Variants in CDKAL1 observed in about 807,000 individuals in gnomAD.
CDKAL1 encodes CDKAL1 threonylcarbamoyladenosine tRNA methylthiotransferase, also known as threonylcarbamoyladenosine tRNA methylthiotransferase.
Under a neutral mutation model 68.2 loss-of-function variants are expected in CDKAL1, and 32 were observed. The ratio of observed to expected loss-of-function variants is 0.47; its 90% CI spans 0.35 to 0.63. CDKAL1 has a LOEUF of 0.63. CDKAL1 is among the 30% of genes least tolerant of loss of function. CDKAL1 has a pLI of 0.00. For missense variants in CDKAL1, 606 were observed against 696.7 expected (o/e 0.87, Z 1.47); for synonymous variants, 234 against 244.3 (o/e 0.96, Z 0.39).
rs1226992605 is a variant in CDKAL1, at chr6:21,093,617, T to G, written c.1237-14784T>G. The stretch of plus-strand genomic sequence containing the variant: ...TATTGTGAATGCACTTCTTGCGAGG[T>G]GATTTAGATAAGTGGAAGAGAACTT... On this transcript the variant is annotated intron_variant, in intron 12 of 15. Coordinates refer to ENST00000274695, the MANE Select transcript of CDKAL1 (RefSeq NM_017774.3). Among the ~76,000 whole-genome samples the G allele has an allele frequency of 2.0e-5, 3 of 151,100 alleles. No homozygotes were observed. The East Asian group carries it at 5.8e-4, about 29-fold the overall frequency.
chr6:20,663,399 G>A (rs1407697969), intron 5 of CDKAL1, among the ~76,000 whole-genome samples: 1 of 151,960 alleles, frequency 6.6e-6, no homozygotes, highest in East Asian at 1.9e-4. Flanking sequence ...TCATTTATCA[G>A]GTCCATTGTA....
chr6:21,140,122 A>G (rs865794791), intron 13 of CDKAL1, among the ~76,000 whole-genome samples: 1 of 152,242 alleles, frequency 6.6e-6, no homozygotes, highest in African/African-American at 2.4e-5. Context: ...AAATGTTCCC[A>G]TGAAACATGA....
intron 11 of CDKAL1, among the ~76,000 whole-genome samples, chr6:21,042,808 A>T (rs576154809): frequency 6.6e-6 from 1 of 152,182 alleles, no homozygotes; most frequent in East Asian, 1.9e-4. Flanking sequence ...AAACTTCTAT[A>T]TGCTGGTCCT....
intron 13 of CDKAL1, among the ~76,000 whole-genome samples, chr6:21,182,903 C>A (rs1047795053): frequency 2.0e-5 from 3 of 152,124 alleles, no homozygotes; most frequent in Non-Finnish European, 4.4e-5. Context: ...ATCAAAATCT[C>A]TAGGTTTTGA....
chr6:20,740,420 G>A (rs1773398880), intron 6 of CDKAL1, among the ~76,000 whole-genome samples: 1 of 152,098 alleles, frequency 6.6e-6, no homozygotes, highest in Non-Finnish European at 1.5e-5. Context: ...CTTTGACTGA[G>A]TAAAAATGCC....
chr6:21,110,247 A>T (rs547011829), intron 13 of CDKAL1, among the ~76,000 whole-genome samples: 1 of 152,210 alleles, frequency 6.6e-6, no homozygotes, highest in East Asian at 1.9e-4. Flanking sequence ...GTTTTATTCC[A>T]GGCAGCTCCC....
intron 11 of CDKAL1, among the ~76,000 whole-genome samples, chr6:21,052,119 A>G (rs998991415): frequency 3.3e-5 from 5 of 152,270 alleles, no homozygotes; most frequent in African/African-American, 1.2e-4. Context: ...TAATAAAACT[A>G]TGAGAATAAA....
chr6:21,080,621 AC>A (rs1383795697), intron 12 of CDKAL1, among the ~76,000 whole-genome samples: 4 of 152,158 alleles, frequency 2.6e-5, no homozygotes, highest in Middle Eastern at 3.4e-3. Context: ...CTAATTTTCT[AC>A]CCTCTGAACC....
At chr6:20,962,413 G>A (rs1215801090) in intron 10 of CDKAL1, among the ~76,000 whole-genome samples, 2 of 152,070 alleles carry the variant, frequency 1.3e-5, no homozygotes, top group African/African-American at 4.8e-5. Flanking sequence ...CTACTTCAAT[G>A]ACCTTATATT....
chr6:20,923,364 C>A (rs1217590071), intron 9 of CDKAL1, among the ~76,000 whole-genome samples: 2 of 152,160 alleles, frequency 1.3e-5, no homozygotes, highest in Admixed American at 1.3e-4. Context: ...TTTTTTCCAA[C>A]AGCTTGTGCT....
chr6:20,686,338 T>G (rs1770621295), intron 5 of CDKAL1, among the ~76,000 whole-genome samples: 1 of 152,112 alleles, frequency 6.6e-6, no homozygotes, highest in Non-Finnish European at 1.5e-5. Context: ...TGTTTACAGC[T>G]GCTCCCCCTT....
intron 12 of CDKAL1, among the ~76,000 whole-genome samples, chr6:21,105,720 C>G (rs965104370): frequency 6.6e-6 from 1 of 152,116 alleles, no homozygotes; most frequent in African/African-American, 2.4e-5. Context: ...CAAGTGAAGA[C>G]AGAAGCAGTC....
intron 13 of CDKAL1, among the ~76,000 whole-genome samples, chr6:21,160,328 C>T (rs905979446): frequency 3.3e-5 from 5 of 151,494 alleles, no homozygotes; most frequent in East Asian, 3.9e-4. Context: ...GATGAAGTCT[C>T]GCTCTGTCAC....
chr6:20,960,311 A>G (rs143200216), intron 10 of CDKAL1, among the ~76,000 whole-genome samples: 1 of 152,238 alleles, frequency 6.6e-6, no homozygotes, highest in East Asian at 1.9e-4. Context: ...TTGAGAAGCC[A>G]TGGGTTCGAA....
At chr6:21,096,273 C>G (rs1773311129) in intron 12 of CDKAL1, among the ~76,000 whole-genome samples, 1 of 152,148 alleles carries the variant, frequency 6.6e-6, no homozygotes, top group Admixed American at 6.5e-5. Context: ...ATCTGTGGGT[C>G]AGAGAAATTT....
intron 8 of CDKAL1, among the ~76,000 whole-genome samples, chr6:20,828,887 G>C (rs988590582): frequency 6.6e-6 from 1 of 152,038 alleles, no homozygotes; most frequent in Non-Finnish European, 1.5e-5. Context: ...TCTACTCTCT[G>C]TCTCTATGAA....
Position 20,896,919 on chromosome 6 carries a change from T to C in CDKAL1, c.742+50741T>C, listed in dbSNP as rs150652701. ...TGAAAGTGTTCTTGGGTTCGGAGGATGGTTTCAGAAATTATTTTCTACTTG... is the reference window on the plus strand; with the variant it reads ...TGAAAGTGTTCTTGGGTTCGGAGGACGGTTTCAGAAATTATTTTCTACTTG... On this transcript the variant is annotated intron_variant, in intron 9 of 15. Transcript: ENST00000274695. 8.6e-4 allele frequency among the ~76,000 whole-genome samples: 131 copies of C among 152,290 alleles called. 5 individuals are homozygous for C. The East Asian group carries it at 0.021, about 24-fold the overall frequency.
intron 11 of CDKAL1, among the ~76,000 whole-genome samples, chr6:21,054,716 T>C (rs1770735844): frequency 6.6e-6 from 1 of 152,156 alleles, no homozygotes; most frequent in African/African-American, 2.4e-5. Flanking sequence ...CCCAAGTAGT[T>C]TTTATGCTAT....
At chr6:21,197,089 C>T (rs28469715) in intron 13 of CDKAL1, among the ~76,000 whole-genome samples, 3 of 151,188 alleles carry the variant, frequency 2.0e-5, no homozygotes, top group East Asian at 1.9e-4. Flanking sequence ...ACCCGGGAGG[C>T]GGAATTTGCA....
Sources: allele counts gnomAD v4.1 joint callset (sites outside exome capture counted in the v4.1 genomes callset), GRCh38; gene constraint gnomAD v4.1.1; transcripts MANE v1.5; gene names NCBI Gene and HGNC (gene_info 2026-07-23, HGNC 2026-07-21).